TRAPPC2L: variants seen among roughly 807,000 people sequenced by gnomAD.
TRAPPC2L encodes the protein trafficking protein particle complex subunit 2-like protein.
A neutral mutation model predicts 13.2 loss-of-function variants in TRAPPC2L; 17 were observed. That is an observed-to-expected ratio of 1.29 (90% confidence interval 0.88 to 1.93). The LOEUF is 1.93. Among genes scored for constraint, TRAPPC2L ranks in the 30% most tolerant of loss-of-function variants. The pLI is 0.00. For missense variants in TRAPPC2L, 359 were observed against 252.1 expected, an observed-to-expected ratio of 1.42 and a Z score of -2.87; for synonymous variants, 150 against 98.1, an observed-to-expected ratio of 1.53 and a Z score of -3.12.
chr16:88,860,138 T>C, exon 4 of TRAPPC2L: 1 of 728,596 alleles, frequency 1.4e-6, no homozygotes. Flanking sequence ...GCCCCGTTTC[T>C]CCACACCAAC....
upstream of TRAPPC2L, chr16:88,856,965 C>T (rs1193323129): frequency 2.1e-6 from 3 of 1,411,156 alleles, no homozygotes; most frequent in Non-Finnish European, 2.7e-6. Context: ...GGGGCGGGGC[C>T]TGGACGGCCA....
chr16:88,856,368 C>A (rs1597612481), upstream of TRAPPC2L: 1 of 701,760 alleles, frequency 1.4e-6, no homozygotes, highest in African/African-American at 1.7e-5. Context: ...GGAGGCCACG[C>A]TGCGCGCCCA....
chr16:88,856,886 C>A (rs1967947900), upstream of TRAPPC2L: 2 of 1,504,570 alleles, frequency 1.3e-6, no homozygotes. Context: ...ATGGCAACCA[C>A]GGGAGCCGCG....
In TRAPPC2L at chr16:88,859,989, G is replaced by T; in HGVS notation, c.391G>T (p.Val131Leu). ...CCAGTCCAGGTGGGCCCTACTTTCT[G>T]TGTCTTGCCACCTTCTTTCTGTAGG... Residue 131 changes from valine (V) to leucine (L), a missense_variant, in exon 4 of 4, where the codon GTG (valine) becomes TTG (leucine). By Grantham distance (32) the Val-to-Leu change is conservative. Transcript: ENST00000565504. The T allele has an allele frequency of 6.2e-7, 1 of 1,612,228 alleles. No homozygotes were observed. The highest frequency in any genetic ancestry group is 8.5e-7 in the Non-Finnish European group (1 of 1,178,434).
At chr16:88,857,261 T>A in intron 1 of TRAPPC2L, 78 bp downstream of exon 1, 1 of 1,324,122 alleles carries the variant, frequency 7.6e-7, no homozygotes, top group African/African-American at 1.5e-5. Flanking sequence ...TTCCCTGGGC[T>A]TAGAAGGCAC....
exon 4 of TRAPPC2L, chr16:88,860,238 G>C (rs573284299): frequency 2.8e-6 from 2 of 702,640 alleles, no homozygotes; most frequent in Non-Finnish European, 5.2e-6. Context: ...GGTGTGCCCA[G>C]TGGGTACCTG....
chr16:88,861,365 C>A (rs2143017537), exon 4 of TRAPPC2L: 1 of 351,572 alleles, frequency 2.8e-6, no homozygotes, highest in Non-Finnish European at 5.5e-6. Context: ...AGCCCAGAAC[C>A]AGCCTAGGAT....
At chr16:88,858,869 C>CT in intron 2 of TRAPPC2L, 78 bp downstream of exon 2, 1 of 1,466,132 alleles carries the variant, frequency 6.8e-7, no homozygotes, top group Non-Finnish European at 9.1e-7. Flanking sequence ...AACTTGAAAC[C>CT]TTTTAGAAGA....
rs532374480 is a variant in TRAPPC2L at position 88,859,873 on chromosome 16, G to C, written c.295-20G>C. The C allele has an allele frequency of 6.4e-7, 1 of 1,551,632 alleles. No homozygotes were observed. Among genetic ancestry groups the C allele is most frequent in the African/African-American group, 1.6e-5 (1 of 61,672 alleles). The stretch of plus-strand genomic sequence containing the variant: ...GCTGTGTGTATGTGGCAAGGTCATG[G>C]TTTGCTGGGTCTTTTTCAGATGTTC... On this transcript the variant is annotated intron_variant, in intron 3 of 3. Coordinates refer to ENST00000565504, the Ensembl canonical transcript of TRAPPC2L.
At chr16:88,856,729 C>T (rs764099950), upstream of TRAPPC2L, 32 of 1,318,830 alleles carry the variant, frequency 2.4e-5, no homozygotes, top group Admixed American at 6.9e-4. Context: ...CCCACCCCGG[C>T]CCTGCCCCGT....
At chr16:88,860,922 A>C in exon 4 of TRAPPC2L, 1 of 1,594,726 alleles carries the variant, frequency 6.3e-7, no homozygotes, top group South Asian at 1.1e-5. Context: ...AGGGCCTTTG[A>C]TAACATGGTG....
chr16:88,861,516 C>T (rs1442733954), exon 4 of TRAPPC2L: 1 of 380,306 alleles, frequency 2.6e-6, no homozygotes, highest in Admixed American at 3.2e-5. Flanking sequence ...ACCTGGGAAG[C>T]CTCGTGGCCC....
At chr16:88,856,775 G>C, upstream of TRAPPC2L, 2 of 1,545,136 alleles carry the variant, frequency 1.3e-6, no homozygotes, top group Admixed American at 1.9e-5. Flanking sequence ...ATGAGCAGGA[G>C]CAGGATGTTG....
chr16:88,857,155 C>T lies in TRAPPC2L; in HGVS notation c.5C>T (p.Ala2Val), dbSNP rs751046231. 28 of 1,581,936 alleles carry T rather than the reference C, an allele frequency of 1.8e-5. No homozygotes were observed. Among genetic ancestry groups the T allele is most frequent in the Non-Finnish European group, 2.1e-5 (25 of 1,169,708 alleles). ...CCTGGCGCCGAGCCTCCCAAGATGG[C>T]GGTGTGCATCGCGGTGATTGCCAAG... Residue 2 changes from alanine (A) to valine (V), a missense_variant, in exon 1 of 4, where the codon GCG becomes GTG. Coordinates refer to ENST00000565504, the Ensembl canonical transcript of TRAPPC2L.
chr16:88,859,367 G>A, intron 2 of TRAPPC2L: 1 of 691,324 alleles, frequency 1.4e-6, no homozygotes, highest in Non-Finnish European at 2.6e-6. Context: ...GCCAGGCATT[G>A]ATTCATGAAG....
At chr16:88,856,583 C>A (rs1031245381), upstream of TRAPPC2L, 2 of 522,688 alleles carry the variant, frequency 3.8e-6, no homozygotes, top group Admixed American at 2.3e-5. Flanking sequence ...ACGGGGATAC[C>A]CCCCGTCCCC....
At chr16:88,858,162 T>C (rs778352786) in intron 1 of TRAPPC2L, among the ~76,000 whole-genome samples, 18 of 152,158 alleles carry the variant, frequency 1.2e-4, no homozygotes, top group Non-Finnish European at 2.6e-4. Flanking sequence ...TGGTCAGAAA[T>C]GCAGAGATGA....
rs761762059 is a variant in TRAPPC2L, at chr16:88,859,616, A to G, written c.207-47A>G. 1.9e-6 allele frequency: 3 copies of G among 1,570,762 alleles called. No homozygotes were observed. The Admixed American group carries it at 5.0e-5, about 26-fold the overall frequency. ...AGTGAGGGCCCACAGAGGGCCCTCC[A>G]CCGGCAGTCCCTGTGTTACGAGTGC... On this transcript the variant is annotated intron_variant, in intron 2 of 3. Transcript: ENST00000565504.
At chr16:88,858,970 A>G (rs1309519626) in intron 2 of TRAPPC2L, 179 bp downstream of exon 2, 6 of 655,284 alleles carry the variant, frequency 9.2e-6, no homozygotes, top group African/African-American at 1.8e-5. Context: ...TGGAAGAGCC[A>G]TTTGGGAAAA....
Sources: gnomAD v4.1 joint callset for allele counts (sites outside exome capture counted in the v4.1 genomes callset) on GRCh38, gnomAD v4.1.1 for gene constraint, MANE v1.5 for transcripts, NCBI Gene and HGNC (gene_info 2026-07-23, HGNC 2026-07-21) for gene names.